Variants in CADPS2 observed in about 807,000 individuals in gnomAD.
The protein encoded by CADPS2 is calcium dependent secretion activator 2.
A neutral mutation model predicts 172.5 loss-of-function variants in CADPS2; 93 were observed. The ratio of observed to expected loss-of-function variants is 0.54; its 90% CI spans 0.46 to 0.64. The LOEUF (loss-of-function observed/expected upper bound fraction) is 0.64. Among genes scored for constraint, CADPS2 ranks in the 30% least tolerant of loss-of-function variants. The pLI is 0.00. For missense variants in CADPS2, 1,420 were observed against 1,565.9 expected, an observed-to-expected ratio of 0.91 and a Z score of 1.57; for synonymous variants, 546 against 555.2, an observed-to-expected ratio of 0.98 and a Z score of 0.23.
At chr7:122,410,394 T>C (rs867580062) in intron 19 of CADPS2, among the ~76,000 whole-genome samples, 1 of 148,328 alleles carries the variant, frequency 6.7e-6, no homozygotes, top group South Asian at 2.1e-4. Flanking sequence ...GGATTAATAA[T>C]ACAAATAAGC....
At chr7:122,883,737 T>C (rs1296548167) in intron 1 of CADPS2, among the ~76,000 whole-genome samples, 2 of 152,212 alleles carry the variant, frequency 1.3e-5, no homozygotes, top group African/African-American at 4.8e-5. Context: ...CTTAGGCTAT[T>C]TGGCATCCAT....
chr7:122,494,991 G>C (rs1354197002), intron 9 of CADPS2, among the ~76,000 whole-genome samples: 1 of 151,760 alleles, frequency 6.6e-6, no homozygotes, highest in Non-Finnish European at 1.5e-5. Context: ...TTGGAGGTGG[G>C]GGTGTTGAGA....
At chr7:122,797,712 G>A (rs1796701962) in intron 1 of CADPS2, among the ~76,000 whole-genome samples, 1 of 152,052 alleles carries the variant, frequency 6.6e-6, no homozygotes, top group Non-Finnish European at 1.5e-5. Context: ...AGAGCTTATT[G>A]CAGGGTGGAG....
chr7:122,576,610 T>C (rs147821244), intron 7 of CADPS2, among the ~76,000 whole-genome samples: 67 of 152,270 alleles, frequency 4.4e-4, no homozygotes, highest in African/African-American at 1.4e-3. Flanking sequence ...GCATCTGATA[T>C]GGTTAGGCTT....
intron 2 of CADPS2, among the ~76,000 whole-genome samples, chr7:122,735,803 C>T (rs567081131): frequency 1.5e-4 from 23 of 152,240 alleles, no homozygotes; most frequent in African/African-American, 5.1e-4. Flanking sequence ...ATCCCAAATA[C>T]AGACTTTTGG....
At chr7:122,495,216 T>G (rs2058640185) in intron 9 of CADPS2, among the ~76,000 whole-genome samples, 1 of 152,170 alleles carries the variant, frequency 6.6e-6, no homozygotes, top group Non-Finnish European at 1.5e-5. Flanking sequence ...AATGGTAATT[T>G]CTTAGAGATA....
intron 1 of CADPS2, among the ~76,000 whole-genome samples, chr7:122,739,959 T>C (rs1239361268): frequency 2.0e-5 from 3 of 152,104 alleles, no homozygotes; most frequent in Non-Finnish European, 2.9e-5. Context: ...GTCTACTCAA[T>C]GAATGGTGTT....
At chr7:122,393,109 C>A in intron 22 of CADPS2, 87 bp downstream of exon 22, 5 of 1,407,046 alleles carry the variant, frequency 3.6e-6, no homozygotes, top group African/African-American at 1.4e-5. Context: ...TGACAAATGC[C>A]ATGCAGTCTA....
At chr7:122,513,366 C>T (rs2060137369) in intron 8 of CADPS2, 51 bp from the exon 9 acceptor site, 2 of 1,343,138 alleles carry the variant, frequency 1.5e-6, no homozygotes, top group Admixed American at 2.1e-5. Context: ...TAATGTTGTG[C>T]TTCCATGTAA....
rs377686883 is a variant in CADPS2, at chr7:122,554,707, C to A, written c.1336-18G>T. 9.0e-6 allele frequency: 13 copies of A among 1,442,402 alleles called. No homozygotes were observed. Among genetic ancestry groups the A allele is most frequent in the African/African-American group, 1.4e-5 (1 of 72,440 alleles). The allele number at this position is 1,442,402 out of a possible 1,614,324, so 89.4% of individuals were successfully genotyped here. ...AATATCACCTGTATGGAAAAAAAAACCCACATTTAAACGCATGATACGGAG... is the reference window on the plus strand; with the variant it reads ...AATATCACCTGTATGGAAAAAAAAAACCACATTTAAACGCATGATACGGAG... On this transcript the variant is annotated intron_variant, in intron 7 of 29. Transcript: ENST00000449022.
At chr7:122,594,269 A>C (rs551797556) in intron 6 of CADPS2, among the ~76,000 whole-genome samples, 5 of 151,002 alleles carry the variant, frequency 3.3e-5, no homozygotes, top group Admixed American at 6.6e-5. Context: ...ACCCAGTCTC[A>C]AAAAGGGGAA....
intron 1 of CADPS2, among the ~76,000 whole-genome samples, chr7:122,857,196 G>A (rs574362110): frequency 7.3e-4 from 111 of 152,250 alleles, no homozygotes; most frequent in Admixed American, 2.4e-3. Context: ...GCATGGAAAC[G>A]ATAATGATAA....
intron 25 of CADPS2, among the ~76,000 whole-genome samples, chr7:122,365,156 G>C (rs746879623): frequency 2.0e-5 from 3 of 152,182 alleles, no homozygotes; most frequent in African/African-American, 4.8e-5. Flanking sequence ...TTATATACAA[G>C]TTAGTCCTAG....
In CADPS2 at chr7:122,388,667, T is replaced by C; in HGVS notation, c.3080A>G (p.His1027Arg). The change falls in exon 23 of 30, where the codon CAC (histidine) becomes CGC (arginine). Residue 1027 changes from histidine to arginine, a missense_variant. Coordinates refer to ENST00000449022, the MANE Select transcript of CADPS2 (RefSeq NM_017954.11). ...DALQMFVFDL[H>R]WPEQEFAHHL... ...GTGGGCAAATTCCTGTTCTGGCCAG[T>C]GCAGATCAAAGACAAACATTTGCAG... 6.2e-7 allele frequency: 1 copy of C among 1,611,122 alleles called. No individual in the cohort carries two copies. The highest frequency in any genetic ancestry group is 8.5e-7 in the Non-Finnish European group (1 of 1,178,310).
intron 3 of CADPS2, among the ~76,000 whole-genome samples, chr7:122,652,521 TC>T (rs2079273176): frequency 6.6e-6 from 1 of 152,192 alleles, no homozygotes; most frequent in Admixed American, 6.5e-5. Context: ...TAACTGCATT[TC>T]CTTAAAATAT....
chr7:122,354,365 G>A (rs1178611817), intron 27 of CADPS2: 1 of 152,126 alleles, frequency 6.6e-6, no homozygotes, highest in Non-Finnish European at 1.5e-5. Context: ...ACTGATAATA[G>A]ATGAAGTGAT....
intron 2 of CADPS2, among the ~76,000 whole-genome samples, chr7:122,710,600 C>T (rs1226943752): frequency 6.6e-6 from 1 of 152,054 alleles, no homozygotes; most frequent in African/African-American, 2.4e-5. Context: ...GCTAGCTTAG[C>T]TTGGTAGGTA....
intron 6 of CADPS2, among the ~76,000 whole-genome samples, chr7:122,593,984 T>C (rs1384120335): frequency 6.6e-6 from 1 of 152,114 alleles, no homozygotes; most frequent in Non-Finnish European, 1.5e-5. Flanking sequence ...TTACAGTCTA[T>C]AATACTGAAA....
chr7:122,859,893 T>C (rs764154836), intron 1 of CADPS2, among the ~76,000 whole-genome samples: 1 of 152,156 alleles, frequency 6.6e-6, no homozygotes, highest in Non-Finnish European at 1.5e-5. Flanking sequence ...TTGGACCCCA[T>C]GGATGTGGAG....
Sources: gnomAD v4.1 joint callset for allele counts (sites outside exome capture counted in the v4.1 genomes callset) on GRCh38, gnomAD v4.1.1 for gene constraint, MANE v1.5 for transcripts, NCBI Gene and HGNC (gene_info 2026-07-23, HGNC 2026-07-21) for gene names.